The following DNM3 variants were observed in gnomAD, a reference collection of about 807,000 sequenced individuals.
DNM3 encodes dynamin 3.
DNM3 carries 47 observed loss-of-function variants against 101.6 expected under a neutral mutation model. That is an observed-to-expected ratio of 0.46 (90% CI 0.37 to 0.59). The LOEUF is 0.59. DNM3 is among the 20% of genes least tolerant of loss of function. The pLI is 0.00. For missense variants in DNM3, 849 were observed against 1,085.7 expected (o/e 0.78, Z 3.06); for synonymous variants, 385 against 387.9 (o/e 0.99, Z 0.09).
At chr1:172,363,048 C>T (rs73046851) in intron 17 of DNM3, among the ~76,000 whole-genome samples, 26,458 of 151,596 alleles carry the variant, frequency 0.17, 3,900 homozygotes, top group African/African-American at 0.4. Context: ...TCCCCAAATA[C>T]TTTCCTCCCT....
chr1:172,033,390 G>A, intron 6 of DNM3, 125 bp downstream of exon 6: 2 of 1,105,212 alleles, frequency 1.8e-6, no homozygotes, highest in Non-Finnish European at 2.5e-6. Flanking sequence ...CAATGATAGG[G>A]ATTTTAAAAA....
intron 15 of DNM3, among the ~76,000 whole-genome samples, chr1:172,302,670 C>G (rs890137120): frequency 6.6e-6 from 1 of 152,156 alleles, no homozygotes; most frequent in African/African-American, 2.4e-5. Flanking sequence ...ATGAAGATTC[C>G]AGAGGACGGG....
intron 10 of DNM3, among the ~76,000 whole-genome samples, chr1:172,052,997 C>T (rs886372510): frequency 6.6e-6 from 1 of 152,156 alleles, no homozygotes; most frequent in Non-Finnish European, 1.5e-5. Context: ...TGATCTATTT[C>T]TAGCCTGGTC....
intron 2 of DNM3, among the ~76,000 whole-genome samples, chr1:171,981,965 A>G (rs1157453426): frequency 6.6e-6 from 1 of 152,146 alleles, no homozygotes; most frequent in Non-Finnish European, 1.5e-5. Flanking sequence ...TGCACTGACT[A>G]CTCACATTGA....
At chr1:171,916,036 G>T (rs908307367) in intron 1 of DNM3, among the ~76,000 whole-genome samples, 3 of 152,162 alleles carry the variant, frequency 2.0e-5, no homozygotes, top group Non-Finnish European at 4.4e-5. Flanking sequence ...CAACTGTTCA[G>T]TCTAACTGCC....
chr1:172,338,730 G>C, intron 17 of DNM3: 2 of 431,458 alleles, frequency 4.6e-6, no homozygotes, highest in Non-Finnish European at 9.3e-6. Flanking sequence ...CTGTATATTT[G>C]TTTGTTCAAA....
At chr1:172,167,056 C>T (rs974261303) in intron 14 of DNM3, among the ~76,000 whole-genome samples, 2 of 151,952 alleles carry the variant, frequency 1.3e-5, no homozygotes, top group Non-Finnish European at 2.9e-5. Flanking sequence ...TCTCCTAATG[C>T]TATCCCTCCC....
At chr1:172,228,798 G>T (rs568523857) in intron 14 of DNM3, among the ~76,000 whole-genome samples, 463 of 152,034 alleles carry the variant, frequency 3.0e-3, no homozygotes, top group Non-Finnish European at 5.2e-3. Flanking sequence ...CACATTTTCT[G>T]GTAGGTTTAT....
intron 17 of DNM3, among the ~76,000 whole-genome samples, chr1:172,352,735 A>G (rs2148987712): frequency 6.6e-6 from 1 of 152,254 alleles, no homozygotes; most frequent in South Asian, 2.1e-4. Flanking sequence ...CACATTTGGA[A>G]GATACAGCTC....
chr1:172,149,858 C>G (rs1170820573), intron 14 of DNM3, among the ~76,000 whole-genome samples: 1 of 151,846 alleles, frequency 6.6e-6, no homozygotes, highest in African/African-American at 2.4e-5. Flanking sequence ...AGTACCCTTT[C>G]TGTGGATGGG....
intron 1 of DNM3, among the ~76,000 whole-genome samples, chr1:171,894,331 C>T (rs1157133080): frequency 6.6e-6 from 1 of 152,204 alleles, no homozygotes; most frequent in Non-Finnish European, 1.5e-5. Context: ...TCAGGATCTT[C>T]TTTGCCACTG....
At chr1:172,045,835 G>T (rs2049750090) in intron 9 of DNM3, among the ~76,000 whole-genome samples, 1 of 152,204 alleles carries the variant, frequency 6.6e-6, no homozygotes, top group African/African-American at 2.4e-5. Flanking sequence ...TTGAGACTGT[G>T]CTGGGAACAG....
intron 2 of DNM3, among the ~76,000 whole-genome samples, chr1:171,960,096 T>A (rs2043119221): frequency 6.6e-6 from 1 of 152,044 alleles, no homozygotes; most frequent in Non-Finnish European, 1.5e-5. Context: ...TTAGGATGGG[T>A]TCAAATCCAA....
intron 15 of DNM3, among the ~76,000 whole-genome samples, chr1:172,295,995 A>T (rs73044900): frequency 1.3e-5 from 2 of 151,454 alleles, no homozygotes; most frequent in Admixed American, 1.3e-4. Context: ...CTTCATTTCT[A>T]TAAACATACT....
intron 14 of DNM3, among the ~76,000 whole-genome samples, chr1:172,192,085 G>T (rs1208757499): frequency 6.6e-6 from 1 of 152,124 alleles, no homozygotes; most frequent in Non-Finnish European, 1.5e-5. Flanking sequence ...TTTTCAAAAG[G>T]AATGCTTCCA....
intron 4 of DNM3, among the ~76,000 whole-genome samples, chr1:172,002,802 A>G (rs1277835164): frequency 1.3e-5 from 2 of 152,080 alleles, no homozygotes; most frequent in Non-Finnish European, 2.9e-5. Flanking sequence ...TGGATTTTTA[A>G]AAAGTAAGAA....
intron 10 of DNM3, among the ~76,000 whole-genome samples, chr1:172,054,930 G>A (rs939981626): frequency 1.1e-4 from 17 of 151,994 alleles, no homozygotes; most frequent in African/African-American, 3.9e-4. Flanking sequence ...TTGCACTCCA[G>A]CCCAGGCAAC....
intron 13 of DNM3, among the ~76,000 whole-genome samples, chr1:172,126,975 A>AAGAGAAC (rs2056660854): frequency 6.6e-6 from 1 of 152,158 alleles, no homozygotes; most frequent in Admixed American, 6.6e-5. Context: ...GCTGCTGGAA[A>AAGAGAAC]AGAGAACACA....
intron 7 of DNM3, among the ~76,000 whole-genome samples, chr1:172,040,999 A>T (rs903829142): frequency 6.6e-6 from 1 of 152,016 alleles, no homozygotes; most frequent in Non-Finnish European, 1.5e-5. Context: ...TGGGCTAAAG[A>T]GTTTTGATTG....
Sources: gnomAD v4.1 joint callset for allele counts (sites outside exome capture counted in the v4.1 genomes callset) on GRCh38, gnomAD v4.1.1 for gene constraint, MANE v1.5 for transcripts, NCBI Gene and HGNC (gene_info 2026-07-23, HGNC 2026-07-21) for gene names.